RABGAP1L: variants seen among roughly 807,000 people sequenced by gnomAD.
RABGAP1L encodes the protein RAB GTPase activating protein 1 like.
RABGAP1L carries 63 observed loss-of-function variants against 137.7 expected under a neutral mutation model. That is an observed-to-expected ratio of 0.46 (90% CI 0.37 to 0.56). The LOEUF (loss-of-function observed/expected upper bound fraction) is 0.56, where lower values mean the gene tolerates loss of function less well. Among genes scored for constraint, RABGAP1L ranks in the 20% least tolerant of loss-of-function variants. The pLI is 0.00. For synonymous variants in RABGAP1L, 431 were observed against 433.7 expected (o/e 0.99, Z 0.08); for missense variants, 1,095 against 1,244.0 (o/e 0.88, Z 1.80).
At chr1:174,767,733 A>T (rs191872341) in intron 18 of RABGAP1L, among the ~76,000 whole-genome samples, 148 of 152,252 alleles carry the variant, frequency 9.7e-4, no homozygotes, top group African/African-American at 3.2e-3. Context: ...TTTTTGAAAT[A>T]CAAGATGTCA....
chr1:174,292,333 T>A (rs1336069692), intron 10 of RABGAP1L, among the ~76,000 whole-genome samples: 4 of 119,920 alleles, frequency 3.3e-5, no homozygotes, highest in African/African-American at 1.4e-4. Flanking sequence ...CCTAATCTTT[T>A]TTTTTTTTTT....
At chr1:174,958,059 CTT>C (rs1668759295) in intron 20 of RABGAP1L, 1 of 1,525,362 alleles carries the variant, frequency 6.6e-7, no homozygotes, top group Non-Finnish European at 8.8e-7. Flanking sequence ...TCCACAAAGA[CTT>C]TTAGCAGGTG....
At chr1:174,513,122 A>G (rs1358016987) in intron 13 of RABGAP1L, among the ~76,000 whole-genome samples, 1 of 152,142 alleles carries the variant, frequency 6.6e-6, no homozygotes, top group Non-Finnish European at 1.5e-5. Flanking sequence ...TTTTATTCCA[A>G]TTTAATCATT....
At chr1:174,781,303 T>C (rs145193014) in intron 18 of RABGAP1L, among the ~76,000 whole-genome samples, 92,020 of 152,036 alleles carry the variant, frequency 0.61, 31,035 homozygotes, top group East Asian at 0.93. Context: ...TTTTGATTTG[T>C]ATTTCTCTGA....
At chr1:174,561,882 G>A (rs943205692) in intron 13 of RABGAP1L, among the ~76,000 whole-genome samples, 1 of 152,038 alleles carries the variant, frequency 6.6e-6, no homozygotes, top group African/African-American at 2.4e-5. Flanking sequence ...TTAAACATAA[G>A]ACCTAAAACC....
chr1:174,196,662 A>T (rs1461472289), intron 1 of RABGAP1L, among the ~76,000 whole-genome samples: 2 of 150,656 alleles, frequency 1.3e-5, no homozygotes, highest in Non-Finnish European at 3.0e-5. Flanking sequence ...AATTTCTCCA[A>T]ATCTTAGATT....
chr1:174,547,635 A>AATAT (rs1164241272), intron 13 of RABGAP1L, among the ~76,000 whole-genome samples: 1 of 152,116 alleles, frequency 6.6e-6, no homozygotes, highest in East Asian at 1.9e-4. Context: ...GAAGAAAAGA[A>AATAT]ATATATCTTA....
chr1:174,800,316 A>G, intron 18 of RABGAP1L: 1 of 1,542,788 alleles, frequency 6.5e-7, no homozygotes, highest in Middle Eastern at 1.7e-4. Flanking sequence ...CTCATTCTGG[A>G]TACCTACTTA....
intron 13 of RABGAP1L, among the ~76,000 whole-genome samples, chr1:174,460,011 A>G (rs1434523766): frequency 2.0e-5 from 3 of 152,104 alleles, no homozygotes; most frequent in African/African-American, 7.2e-5. Flanking sequence ...AGACCAGTCA[A>G]CGGACTGAAG....
intron 1 of RABGAP1L, among the ~76,000 whole-genome samples, chr1:174,195,641 CTTCCTTCCTTCCTTTCCT>C (rs1667543122): frequency 2.4e-5 from 2 of 84,970 alleles, no homozygotes; most frequent in African/African-American, 1.2e-4. Flanking sequence ...TCCTTCCTTC[CTTCCTTCCTTCCTTTCCT>C]TTCCTTTCCT....
At chr1:174,312,383 A>G (rs1443894795) in intron 11 of RABGAP1L, among the ~76,000 whole-genome samples, 2 of 152,004 alleles carry the variant, frequency 1.3e-5, no homozygotes, top group African/African-American at 2.4e-5. Flanking sequence ...TGCCATTTGT[A>G]TGTCTTTTTT....
chr1:174,729,026 A>G (rs890427773), intron 17 of RABGAP1L, among the ~76,000 whole-genome samples: 4 of 152,146 alleles, frequency 2.6e-5, no homozygotes, highest in African/African-American at 7.2e-5. Flanking sequence ...AAAGCAATCC[A>G]AAGCAAAAAG....
intron 13 of RABGAP1L, among the ~76,000 whole-genome samples, chr1:174,603,723 C>G (rs1272584719): frequency 6.6e-6 from 1 of 151,946 alleles, no homozygotes; most frequent in Non-Finnish European, 1.5e-5. Flanking sequence ...GCAACTACCG[C>G]CTGGTTACAA....
chr1:174,552,419 T>C (rs1230094559), intron 13 of RABGAP1L, among the ~76,000 whole-genome samples: 3 of 152,124 alleles, frequency 2.0e-5, no homozygotes, highest in East Asian at 3.8e-4. Flanking sequence ...TGAGAACATG[T>C]GGTATTTGGT....
chr1:174,642,712 TTC>T (rs139747914), intron 14 of RABGAP1L, among the ~76,000 whole-genome samples: 9 of 142,772 alleles, frequency 6.3e-5, no homozygotes, highest in South Asian at 4.9e-4. Flanking sequence ...TCTTTTCTTT[TTC>T]TCTCTCTCTC....
chr1:174,360,812 CTT>C (rs1684072480), intron 11 of RABGAP1L, among the ~76,000 whole-genome samples: 1 of 152,102 alleles, frequency 6.6e-6, no homozygotes, highest in Non-Finnish European at 1.5e-5. Flanking sequence ...CATCTCCTCT[CTT>C]AATATTGGAC....
intron 12 of RABGAP1L, among the ~76,000 whole-genome samples, chr1:174,389,237 G>A (rs1281737512): frequency 6.6e-6 from 1 of 151,842 alleles, no homozygotes; most frequent in Non-Finnish European, 1.5e-5. Context: ...AGAAATCTCC[G>A]ACCTTTCTTG....
At chr1:174,919,100 C>T (rs140159032) in intron 19 of RABGAP1L, among the ~76,000 whole-genome samples, 3,703 of 151,770 alleles carry the variant, frequency 0.024, 58 homozygotes, top group Middle Eastern at 0.072. Context: ...CTCACTGCAA[C>T]CTCCGCCTCC....
intron 1 of RABGAP1L, among the ~76,000 whole-genome samples, chr1:174,169,300 G>C (rs943626288): frequency 4.6e-5 from 7 of 151,622 alleles, no homozygotes; most frequent in African/African-American, 1.7e-4. Flanking sequence ...GCTCACTGCA[G>C]CCTCTGACCT....
Sources: allele counts gnomAD v4.1 joint callset (sites outside exome capture counted in the v4.1 genomes callset), GRCh38; gene constraint gnomAD v4.1.1; transcripts MANE v1.5; gene names NCBI Gene and HGNC (gene_info 2026-07-23, HGNC 2026-07-21).